Variants in LDB2 observed in about 807,000 individuals in gnomAD.
LDB2 encodes LIM domain binding 2.
Under a neutral mutation model 44.3 loss-of-function variants are expected in LDB2, and 12 were observed. That is an observed-to-expected ratio of 0.27 (90% CI 0.17 to 0.44). LDB2 has a LOEUF of 0.44. LDB2 is among the 20% of genes least tolerant of loss of function. The probability of loss-of-function intolerance (pLI) is 1.00; values close to 1 mark genes in which losing one functional copy is unlikely to be tolerated. For synonymous variants in LDB2, 164 were observed against 174.8 expected (o/e 0.94, Z 0.49); for missense variants, 344 against 473.5 (o/e 0.73, Z 2.54).
chr4:16,684,036 G>A (rs751043832), intron 2 of LDB2, among the ~76,000 whole-genome samples: 3 of 152,180 alleles, frequency 2.0e-5, no homozygotes, highest in Non-Finnish European at 4.4e-5. Flanking sequence ...ATAGGATGTT[G>A]GCATTATAGT....
chr4:16,648,018 C>A lies in LDB2; in HGVS notation c.236-52143G>T, dbSNP rs566493544. On this transcript the variant is annotated intron_variant, in intron 2 of 7. Coordinates refer to ENST00000304523, the MANE Select transcript of LDB2 (RefSeq NM_001290.5). ...TAATCATTGCTCACTAGTCTGTCTTCCCCTAGTGGAAGAATTCCTTGAGAA... is the reference window on the plus strand; with the variant it reads ...TAATCATTGCTCACTAGTCTGTCTTACCCTAGTGGAAGAATTCCTTGAGAA... Among the ~76,000 whole-genome samples the A allele has an allele frequency of 2.8e-4, 43 of 152,316 alleles. 2 individuals carry two copies. In the South Asian group the frequency reaches 6.8e-3, roughly 24 times the overall value.
At chr4:16,874,462 A>T (rs1717761369) in intron 1 of LDB2, among the ~76,000 whole-genome samples, 1 of 152,212 alleles carries the variant, frequency 6.6e-6, no homozygotes, top group Non-Finnish European at 1.5e-5. Flanking sequence ...GTACATGTAC[A>T]AATATTCAAA....
chr4:16,826,236 T>C (rs1580016557), intron 1 of LDB2, among the ~76,000 whole-genome samples: 1 of 152,200 alleles, frequency 6.6e-6, no homozygotes, highest in East Asian at 1.9e-4. Flanking sequence ...CGAATCATAA[T>C]TGGACAGGTT....
At chr4:16,851,678 T>C (rs140373173) in intron 1 of LDB2, among the ~76,000 whole-genome samples, 90 of 151,922 alleles carry the variant, frequency 5.9e-4, no homozygotes, top group Middle Eastern at 3.4e-3. Flanking sequence ...GATTTGCCAA[T>C]GTGTAGATGA....
chr4:16,721,385 T>C (rs1758251645), intron 2 of LDB2, among the ~76,000 whole-genome samples: 1 of 152,170 alleles, frequency 6.6e-6, no homozygotes, highest in Non-Finnish European at 1.5e-5. Context: ...CACCTTTCTA[T>C]GATCAGGAAG....
In LDB2 at chr4:16,508,550, C is replaced by T; in HGVS notation, c.876G>A (p.Leu292=). ...KKKTTAANLS[L]SSQVPDVMVV... ...CGAGACTTACAGGTACCTGACTGGA[C>T]AGACTCAGGTTTGCAGCTGTGGTCT... Residue 292 remains leucine, a synonymous_variant, in exon 7 of 8, where the codon CTG becomes CTA. Transcript: ENST00000304523. The T allele has an allele frequency of 6.3e-7, 1 of 1,597,100 alleles. No homozygotes were observed.
At chr4:16,759,099 T>C (rs1422399249) in intron 2 of LDB2, 59 bp downstream of exon 2, 2 of 1,096,162 alleles carry the variant, frequency 1.8e-6, no homozygotes, top group Non-Finnish European at 1.4e-6. Flanking sequence ...TGAAGACCCC[T>C]GCGGTTTTCT....
intron 2 of LDB2, among the ~76,000 whole-genome samples, chr4:16,742,141 G>T (rs1023649016): frequency 1.4e-5 from 2 of 141,518 alleles, no homozygotes; most frequent in Admixed American, 1.5e-4. Flanking sequence ...GCACAATCTC[G>T]GCTCACTGCA....
intron 2 of LDB2, among the ~76,000 whole-genome samples, chr4:16,633,416 C>A (rs1483958364): frequency 6.6e-6 from 1 of 151,894 alleles, no homozygotes; most frequent in Non-Finnish European, 1.5e-5. Flanking sequence ...TGCACGTGTA[C>A]CCTAGAACTT....
intron 2 of LDB2, among the ~76,000 whole-genome samples, chr4:16,606,697 C>G (rs1038063875): frequency 9.2e-5 from 14 of 152,210 alleles, no homozygotes; most frequent in African/African-American, 3.1e-4. Context: ...AATCCATTCA[C>G]TTGGCTGCAT....
chr4:16,687,476 T>C (rs1472000828), intron 2 of LDB2, among the ~76,000 whole-genome samples: 1 of 152,040 alleles, frequency 6.6e-6, no homozygotes, highest in Non-Finnish European at 1.5e-5. Context: ...TCCAAAATGG[T>C]AGAAAATAAA....
chr4:16,780,768 C>T (rs1217067271), intron 1 of LDB2, among the ~76,000 whole-genome samples: 5 of 151,336 alleles, frequency 3.3e-5, no homozygotes, highest in Admixed American at 6.6e-5. Context: ...ACACATTCCA[C>T]GTGTCTCAAA....
At chr4:16,542,869 C>A (rs1049815647) in intron 5 of LDB2, among the ~76,000 whole-genome samples, 3 of 151,842 alleles carry the variant, frequency 2.0e-5, no homozygotes, top group East Asian at 1.9e-4. Flanking sequence ...TGGTGTGCTG[C>A]ACCCATTAAC....
At chr4:16,851,290 G>C (rs1192034309) in intron 1 of LDB2, among the ~76,000 whole-genome samples, 1 of 152,054 alleles carries the variant, frequency 6.6e-6, no homozygotes, top group Admixed American at 6.5e-5. Context: ...AGGAAGGAGA[G>C]AATGCAAAGG....
chr4:16,882,752 T>C (rs12646572), intron 1 of LDB2, among the ~76,000 whole-genome samples: 92,952 of 151,858 alleles, frequency 0.61, 29,021 homozygotes, highest in East Asian at 0.85. Context: ...AAGTTTTGAG[T>C]CCAGAAAAAA....
At chr4:16,647,939 C>T (rs1030392876) in intron 2 of LDB2, among the ~76,000 whole-genome samples, 7 of 152,156 alleles carry the variant, frequency 4.6e-5, no homozygotes, top group African/African-American at 1.7e-4. Context: ...TCAGCTTTCT[C>T]CTATGCTAAC....
At chr4:16,626,990 C>G (rs1730454853) in intron 2 of LDB2, 1 of 152,184 alleles carries the variant, frequency 6.6e-6, no homozygotes, top group Non-Finnish European at 1.5e-5. Context: ...ACACAGAGAA[C>G]TGTACCTTAG....
chr4:16,707,522 G>C (rs754187227), intron 2 of LDB2, among the ~76,000 whole-genome samples: 1 of 152,114 alleles, frequency 6.6e-6, no homozygotes, highest in Non-Finnish European at 1.5e-5. Flanking sequence ...ATCATTTCAC[G>C]TGATAATTTC....
intron 2 of LDB2, among the ~76,000 whole-genome samples, chr4:16,694,437 G>T (rs141801676): frequency 6.6e-6 from 1 of 152,154 alleles, no homozygotes; most frequent in Admixed American, 6.5e-5. Flanking sequence ...GGGAATAATC[G>T]CTGCATTAAA....
Sources: gnomAD v4.1 joint callset for allele counts (sites outside exome capture counted in the v4.1 genomes callset) on GRCh38, gnomAD v4.1.1 for gene constraint, MANE v1.5 for transcripts, NCBI Gene and HGNC (gene_info 2026-07-23, HGNC 2026-07-21) for gene names.